The following GRAMD1B variants were observed in gnomAD, a reference collection of about 807,000 sequenced individuals.
GRAMD1B encodes GRAM domain containing 1B.
GRAMD1B carries 37 observed loss-of-function variants against 99.7 expected under a neutral mutation model. The ratio of observed to expected loss-of-function variants is 0.37; its 90% CI spans 0.29 to 0.49. The LOEUF (loss-of-function observed/expected upper bound fraction) is 0.49. Ranked by LOEUF, GRAMD1B falls within the 20% of genes least tolerant of loss-of-function variation. The pLI is 0.98. For missense variants in GRAMD1B, 888 were observed against 1,009.2 expected (o/e 0.88, Z 1.63); for synonymous variants, 427 against 387.6 (o/e 1.10, Z -1.19).
chr11:123,569,083 C>T (rs1328820532), intron 2 of GRAMD1B, among the ~76,000 whole-genome samples: 1 of 152,132 alleles, frequency 6.6e-6, no homozygotes, highest in Non-Finnish European at 1.5e-5. Flanking sequence ...AACCATCCTG[C>T]TGTCTGTTAA....
At chr11:123,516,707 G>A (rs764985588) in intron 2 of GRAMD1B, among the ~76,000 whole-genome samples, 1 of 152,058 alleles carries the variant, frequency 6.6e-6, no homozygotes, top group Non-Finnish European at 1.5e-5. Context: ...ACCTATGCTC[G>A]TTTTGGAAAA....
At chr11:123,447,893 C>T (rs1177891487) in intron 1 of GRAMD1B, among the ~76,000 whole-genome samples, 2 of 151,990 alleles carry the variant, frequency 1.3e-5, no homozygotes, top group African/African-American at 4.8e-5. Flanking sequence ...GCCTGTAAAC[C>T]TAGTTTGTTT....
rs1485863261 is a variant in GRAMD1B, at chr11:123,575,175, C to T, written c.453-2192C>T. ...GTTTTGGATAGTTGGAGTCAGTTCT[C>T]CTCTGGTTAGAGTGTGTTGCCAACC... On this transcript the variant is annotated intron_variant, in intron 2 of 19. Transcript: ENST00000635736. Among the ~76,000 whole-genome samples the T allele has an allele frequency of 5.3e-5, 8 of 152,132 alleles. 1 individual carries two copies. The highest frequency in any genetic ancestry group is 4.6e-4 in the Admixed American group (7 of 15,282).
chr11:123,548,386 ACC>A (rs1399215951), intron 2 of GRAMD1B, among the ~76,000 whole-genome samples: 2 of 146,342 alleles, frequency 1.4e-5, no homozygotes, highest in Admixed American at 6.9e-5. Context: ...ACACACACAC[ACC>A]CAGACAGGAC....
chr11:123,479,423 T>C (rs940878913), intron 1 of GRAMD1B, among the ~76,000 whole-genome samples: 1 of 152,164 alleles, frequency 6.6e-6, no homozygotes, highest in Admixed American at 6.5e-5. Context: ...GCATCTAGGC[T>C]AAGGAATATA....
chr11:123,532,852 T>C (rs947867826), intron 2 of GRAMD1B, among the ~76,000 whole-genome samples: 2 of 152,246 alleles, frequency 1.3e-5, no homozygotes, highest in South Asian at 4.1e-4. Flanking sequence ...AACAGCAGAA[T>C]TGAGTAGTTG....
intron 1 of GRAMD1B, among the ~76,000 whole-genome samples, chr11:123,469,776 T>TTCC (rs59192957): frequency 0.024 from 3,151 of 129,992 alleles, 128 homozygotes; most frequent in African/African-American, 0.07. Flanking sequence ...TTTCTCTTTC[T>TTCC]TTCCTTCCTT....
chr11:123,502,368 C>A (rs774825079), intron 2 of GRAMD1B, among the ~76,000 whole-genome samples: 2 of 152,166 alleles, frequency 1.3e-5, no homozygotes, highest in African/African-American at 2.4e-5. Context: ...CATAAAAAGG[C>A]CAGGCAATAT....
intron 2 of GRAMD1B, among the ~76,000 whole-genome samples, chr11:123,528,912 G>A (rs190655599): frequency 6.6e-5 from 10 of 152,242 alleles, no homozygotes; most frequent in African/African-American, 1.4e-4. Flanking sequence ...ACACTCTTAC[G>A]GCTGAACTGA....
intron 4 of GRAMD1B, among the ~76,000 whole-genome samples, chr11:123,593,436 G>A (rs1565431194): frequency 6.6e-6 from 1 of 152,160 alleles, no homozygotes; most frequent in Non-Finnish European, 1.5e-5. Flanking sequence ...GGGGCAGGGG[G>A]CTTCTCTCTG....
intron 1 of GRAMD1B, among the ~76,000 whole-genome samples, chr11:123,418,993 C>T (rs1161581369): frequency 6.6e-6 from 1 of 152,174 alleles, no homozygotes; most frequent in Non-Finnish European, 1.5e-5. Flanking sequence ...ACATGCACAT[C>T]ACTAATTGCG....
Position 123,603,437 on chromosome 11 carries a change from C to T in GRAMD1B, c.1062C>T (p.Pro354=), listed in dbSNP as rs1345082155. The T allele has an allele frequency of 1.1e-5, 18 of 1,608,820 alleles. No homozygotes were observed. Among genetic ancestry groups the T allele is most frequent in the East Asian group, 2.2e-5 (1 of 44,872 alleles). ...QNALLEKPLC[P]KELWHFVHQC... ...TTTCTCCCCTGAAGCCTCTGTGTCC[C>T]AAGGAGCTCTGGCACTTTGTTCACC... is the stretch of plus-strand genomic sequence containing the variant. Residue 354 remains proline (P), a synonymous_variant, in exon 9 of 20, where the codon CCC becomes CCT. Transcript: ENST00000635736.
intron 1 of GRAMD1B, among the ~76,000 whole-genome samples, chr11:123,417,327 C>A (rs939754110): frequency 6.6e-6 from 1 of 152,092 alleles, no homozygotes; most frequent in Non-Finnish European, 1.5e-5. Context: ...GAGCTGAGAT[C>A]GCGCCATTGC....
intron 1 of GRAMD1B, among the ~76,000 whole-genome samples, chr11:123,441,323 C>T (rs1052534077): frequency 1.3e-5 from 2 of 152,150 alleles, no homozygotes; most frequent in African/African-American, 2.4e-5. Context: ...ACCAGGTTCT[C>T]CTCCTACACT....
chr11:123,466,489 AAG>A (rs1381539398), intron 1 of GRAMD1B, among the ~76,000 whole-genome samples: 1 of 151,648 alleles, frequency 6.6e-6, no homozygotes, highest in East Asian at 1.9e-4. Context: ...AAGAAAGAAA[AAG>A]AAAGAAAGAA....
In GRAMD1B at chr11:123,591,368, C is replaced by G; in HGVS notation, c.685-2714C>G. 1 of 399,098 alleles carries G rather than the reference C, an allele frequency of 2.5e-6. No homozygotes were observed. The allele number at this position is 399,098 out of a possible 1,614,324, so 24.7% of individuals were successfully genotyped here. ...AGTCAGTGCTCAGGGAGCCAGGCGT[C>G]GTTGGGAGGGGCAGCCGTGCTGGGC... On this transcript the variant is annotated intron_variant, in intron 4 of 19. Transcript: ENST00000635736. The surrounding 1 kb of genome is among the most constrained non-coding windows in gnomAD (Gnocchi z 4.7).
chr11:123,426,585 ACCG>A (rs55991480), upstream of GRAMD1B, among the ~76,000 whole-genome samples: 41,444 of 151,668 alleles, frequency 0.27, 7,693 homozygotes, highest in African/African-American at 0.54. Flanking sequence ...TAATGGGCCA[ACCG>A]TTGGGATTGG....
chr11:123,507,562 T>TA (rs1940559655), intron 2 of GRAMD1B, among the ~76,000 whole-genome samples: 1 of 152,220 alleles, frequency 6.6e-6, no homozygotes, highest in Admixed American at 6.5e-5. Flanking sequence ...ATATACATCC[T>TA]TCCCCCTTAC....
chr11:123,599,600 A>G, intron 7 of GRAMD1B: 2 of 385,202 alleles, frequency 5.2e-6, no homozygotes, highest in Non-Finnish European at 9.9e-6. Flanking sequence ...AGCCTCCGGA[A>G]TAGCTGAGAT....
Sources: allele counts gnomAD v4.1 joint callset (sites outside exome capture counted in the v4.1 genomes callset), GRCh38; gene constraint gnomAD v4.1.1; non-coding constraint Gnocchi (gnomAD v3.1); transcripts MANE v1.5; gene names NCBI Gene and HGNC (gene_info 2026-07-23, HGNC 2026-07-21).